The following LHFPL6 variants were observed in gnomAD, a reference collection of about 807,000 sequenced individuals.
LHFPL6 encodes LHFPL tetraspan subfamily member 6 protein.
A neutral mutation model predicts 20.6 loss-of-function variants in LHFPL6; 9 were observed. The observed-to-expected ratio is 0.44, with a 90% CI of 0.26 to 0.76. LHFPL6 has a LOEUF of 0.76. LHFPL6 is among the 30% of genes least tolerant of loss of function. The pLI, the probability that LHFPL6 is intolerant of heterozygous loss-of-function variation, is 0.20. For missense variants in LHFPL6, 218 were observed against 253.5 expected, an observed-to-expected ratio of 0.86 and a Z score of 0.95; for synonymous variants, 105 against 98.7, an observed-to-expected ratio of 1.06 and a Z score of -0.38.
intron 2 of LHFPL6, among the ~76,000 whole-genome samples, chr13:39,459,340 T>C (rs1593320859): frequency 6.6e-6 from 1 of 152,088 alleles, no homozygotes; most frequent in African/African-American, 2.4e-5. Context: ...TTTCCTTCCT[T>C]TCCTTAATTC....
At position 39,438,699 on chromosome 13, in the gene LHFPL6, G is replaced by A. The variant is rs138271675; in HGVS notation, c.386-60173C>T. Among the ~76,000 whole-genome samples, 371 of 152,348 alleles carry A rather than the reference G, an allele frequency of 2.4e-3. 4 individuals are homozygous for A. Among genetic ancestry groups the A allele is most frequent in the African/African-American group, 8.4e-3 (351 of 41,582 alleles). ...GAACCCTGCTTGCTGCATCCTGGCC[G>A]TTTCAGCTACAGCTGTGGTTCAAAG... is the stretch of plus-strand genomic sequence containing the variant. On this transcript the variant is annotated intron_variant, in intron 2 of 3. Transcript: ENST00000379589.
intron 2 of LHFPL6, among the ~76,000 whole-genome samples, chr13:39,591,925 G>A (rs763839836): frequency 1.1e-4 from 17 of 152,134 alleles, no homozygotes; most frequent in East Asian, 9.7e-4. Flanking sequence ...GTGAAACACC[G>A]TCTCTACTAA....
intron 3 of LHFPL6, among the ~76,000 whole-genome samples, chr13:39,373,489 T>C (rs1326368688): frequency 6.6e-6 from 1 of 152,242 alleles, no homozygotes; most frequent in East Asian, 1.9e-4. Flanking sequence ...TGAGGTACAG[T>C]GCTTGCCACC....
chr13:39,512,806 G>A (rs1869771299), intron 2 of LHFPL6, among the ~76,000 whole-genome samples: 1 of 152,216 alleles, frequency 6.6e-6, no homozygotes. Context: ...GAATCTGGGA[G>A]AAGACAAGAT....
intron 2 of LHFPL6, among the ~76,000 whole-genome samples, chr13:39,583,393 T>G (rs551922819): frequency 6.6e-6 from 1 of 152,206 alleles, no homozygotes; most frequent in South Asian, 2.1e-4. Flanking sequence ...CAGGCTGGTC[T>G]TGAACTCCTG....
intron 2 of LHFPL6, among the ~76,000 whole-genome samples, chr13:39,490,824 T>G (rs572781438): frequency 5.3e-5 from 8 of 152,358 alleles, no homozygotes. Flanking sequence ...CTATTCTTAA[T>G]GTCACTCTCT....
chr13:39,378,591 G>C, intron 2 of LHFPL6, 65 bp from the exon 3 acceptor site: 7 of 1,246,960 alleles, frequency 5.6e-6, no homozygotes, highest in Non-Finnish European at 7.1e-6. Flanking sequence ...AAAGGTGGTG[G>C]GATCAATATT....
At chr13:39,532,693 T>C (rs1347475450) in intron 2 of LHFPL6, among the ~76,000 whole-genome samples, 1 of 152,106 alleles carries the variant, frequency 6.6e-6, no homozygotes, top group African/African-American at 2.4e-5. Flanking sequence ...TCTAGACTAG[T>C]AAAATACAAT....
At chr13:39,593,842 C>T (rs559666439) in intron 2 of LHFPL6, among the ~76,000 whole-genome samples, 69 of 152,222 alleles carry the variant, frequency 4.5e-4, no homozygotes, top group African/African-American at 1.6e-3. Context: ...CTTTGACAAA[C>T]CTGACAAAAA....
At chr13:39,587,934 G>A (rs1440778708) in intron 2 of LHFPL6, among the ~76,000 whole-genome samples, 1 of 152,018 alleles carries the variant, frequency 6.6e-6, no homozygotes, top group Non-Finnish European at 1.5e-5. Context: ...ACAAGGAAAA[G>A]CAAGAGAAGG....
intron 2 of LHFPL6, among the ~76,000 whole-genome samples, chr13:39,549,971 G>A (rs1566138859): frequency 6.6e-6 from 1 of 152,058 alleles, no homozygotes; most frequent in African/African-American, 2.4e-5. Flanking sequence ...GAGGCTGGGA[G>A]GTTGGGAGAA....
intron 2 of LHFPL6, among the ~76,000 whole-genome samples, chr13:39,522,652 C>T (rs1005358000): frequency 2.6e-5 from 4 of 152,312 alleles, no homozygotes; most frequent in African/African-American, 7.2e-5. Context: ...TCTATTTCTT[C>T]CCAGTTCAAA....
intron 2 of LHFPL6, among the ~76,000 whole-genome samples, chr13:39,558,112 C>T (rs1356238972): frequency 6.6e-6 from 1 of 152,204 alleles, no homozygotes; most frequent in Non-Finnish European, 1.5e-5. Flanking sequence ...TAATGTAATG[C>T]AAGAGCAGAC....
chr13:39,363,996 G>A (rs558136183), intron 3 of LHFPL6, among the ~76,000 whole-genome samples: 10 of 152,266 alleles, frequency 6.6e-5, no homozygotes, highest in Middle Eastern at 3.4e-3. Flanking sequence ...TTACACAAAC[G>A]TAGATGTATA....
intron 2 of LHFPL6, among the ~76,000 whole-genome samples, chr13:39,471,046 T>C (rs1040559959): frequency 1.3e-5 from 2 of 152,148 alleles, no homozygotes; most frequent in African/African-American, 4.8e-5. Context: ...ACGGGTTTTG[T>C]CTGAAAGGAT....
chr13:39,485,706 A>C (rs1379660139), intron 2 of LHFPL6, among the ~76,000 whole-genome samples: 2 of 152,216 alleles, frequency 1.3e-5, no homozygotes, highest in African/African-American at 2.4e-5. Flanking sequence ...GGAACAAAAG[A>C]AATCAGGGTG....
At chr13:39,571,292 CG>C (rs1727537830) in intron 2 of LHFPL6, among the ~76,000 whole-genome samples, 2 of 152,200 alleles carry the variant, frequency 1.3e-5, no homozygotes, top group Non-Finnish European at 2.9e-5. Context: ...CTGTTCGATG[CG>C]CTTTCCTCTT....
chr13:39,347,240 A>G (rs1191202654), intron 3 of LHFPL6, among the ~76,000 whole-genome samples: 1 of 152,176 alleles, frequency 6.6e-6, no homozygotes, highest in Non-Finnish European at 1.5e-5. Flanking sequence ...TTTCTGGAGC[A>G]CATCAGCCTT....
intron 2 of LHFPL6, among the ~76,000 whole-genome samples, chr13:39,558,458 C>T (rs2138517515): frequency 6.6e-6 from 1 of 151,794 alleles, no homozygotes; most frequent in East Asian, 1.9e-4. Flanking sequence ...TTGGAAGTTA[C>T]CTCTCAACTG....
Sources: gnomAD v4.1 joint callset for allele counts (sites outside exome capture counted in the v4.1 genomes callset) on GRCh38, gnomAD v4.1.1 for gene constraint, MANE v1.5 for transcripts, NCBI Gene and HGNC (gene_info 2026-07-23, HGNC 2026-07-21) for gene names.